The following ZBTB8A variants were observed in gnomAD, a reference collection of about 807,000 sequenced individuals.
ZBTB8A encodes the protein zinc finger and BTB domain containing 8A, also known as zinc finger and BTB domain-containing protein 8A.
Under a neutral mutation model 37.8 loss-of-function variants are expected in ZBTB8A, and 19 were observed. The observed-to-expected ratio is 0.50, with a 90% CI of 0.35 to 0.74. The LOEUF (loss-of-function observed/expected upper bound fraction) is 0.74, where lower values mean the gene tolerates loss of function less well. Ranked by LOEUF, ZBTB8A falls within the 30% of genes least tolerant of loss-of-function variation. The pLI is 0.01. For synonymous variants in ZBTB8A, 181 were observed against 185.2 expected, an observed-to-expected ratio of 0.98 and a Z score of 0.19; for missense variants, 394 against 537.8, an observed-to-expected ratio of 0.73 and a Z score of 2.65.
At chr1:32,585,668 A>G (rs1269322207) in intron 2 of ZBTB8A, among the ~76,000 whole-genome samples, 1 of 152,106 alleles carries the variant, frequency 6.6e-6, no homozygotes, top group Admixed American at 6.6e-5. Context: ...ACTGATGCTA[A>G]TGTTTATGAG....
chr1:32,561,553 G>GTGGTTT (rs1443414610), intron 2 of ZBTB8A, among the ~76,000 whole-genome samples: 1 of 151,992 alleles, frequency 6.6e-6, no homozygotes, highest in Non-Finnish European at 1.5e-5. Context: ...TTCTGTGTTT[G>GTGGTTT]TGGTTTTGTT....
intron 1 of ZBTB8A, among the ~76,000 whole-genome samples, chr1:32,552,598 G>A (rs1275793149): frequency 2.6e-5 from 4 of 151,890 alleles, no homozygotes; most frequent in Non-Finnish European, 4.4e-5. Flanking sequence ...CCAGGGAGGC[G>A]GAGGTTGCAG....
intron 3 of ZBTB8A, among the ~76,000 whole-genome samples, chr1:32,594,560 A>T (rs1410267222): frequency 6.6e-6 from 1 of 152,138 alleles, no homozygotes; most frequent in African/African-American, 2.4e-5. Flanking sequence ...CAGGAGTTCA[A>T]GACCAACCTG....
intron 1 of ZBTB8A, among the ~76,000 whole-genome samples, chr1:32,546,322 T>C (rs544705839): frequency 6.6e-6 from 1 of 152,080 alleles, no homozygotes; most frequent in South Asian, 2.1e-4. Context: ...TGCGTGCCTG[T>C]AATCCCAGCT....
At chr1:32,562,077 C>T (rs933019683) in intron 2 of ZBTB8A, among the ~76,000 whole-genome samples, 1 of 150,766 alleles carries the variant, frequency 6.6e-6, no homozygotes. Context: ...AGCCTCCAAA[C>T]TATAGGAGGC....
chr1:32,566,933 G>A (rs1284324256), intron 2 of ZBTB8A, among the ~76,000 whole-genome samples: 1 of 152,196 alleles, frequency 6.6e-6, no homozygotes, highest in Non-Finnish European at 1.5e-5. Context: ...CCAGGGTAAA[G>A]ACTTTGGATT....
chr1:32,543,244 C>T (rs570093184), intron 1 of ZBTB8A, among the ~76,000 whole-genome samples: 2 of 152,064 alleles, frequency 1.3e-5, no homozygotes, highest in South Asian at 4.2e-4. Flanking sequence ...CCACCATGCC[C>T]GGCTAATTTT....
intron 1 of ZBTB8A, among the ~76,000 whole-genome samples, chr1:32,543,843 AT>A (rs1376066459): frequency 6.6e-6 from 1 of 151,360 alleles, no homozygotes. Flanking sequence ...TGCCCGGCTA[AT>A]TTTTTGTATT....
At chr1:32,569,798 TA>T (rs1256357473) in intron 2 of ZBTB8A, among the ~76,000 whole-genome samples, 1 of 151,248 alleles carries the variant, frequency 6.6e-6, no homozygotes, top group Non-Finnish European at 1.5e-5. Context: ...TTTTTGTCTG[TA>T]AAAAATAGAG....
chr1:32,577,403 G>C (rs568139301), intron 2 of ZBTB8A, among the ~76,000 whole-genome samples: 3 of 151,256 alleles, frequency 2.0e-5, no homozygotes, highest in Non-Finnish European at 2.9e-5. Flanking sequence ...ACCCGCCTCA[G>C]CCTTCCAAAG....
intron 2 of ZBTB8A, among the ~76,000 whole-genome samples, chr1:32,570,578 TTC>T (rs940422915): frequency 6.6e-6 from 1 of 152,238 alleles, no homozygotes; most frequent in Non-Finnish European, 1.5e-5. Context: ...TTGTTTATAT[TTC>T]TCTCAAGTAT....
chr1:32,541,274 T>C (rs1283744089), intron 1 of ZBTB8A, among the ~76,000 whole-genome samples: 2 of 152,190 alleles, frequency 1.3e-5, no homozygotes, highest in Non-Finnish European at 2.9e-5. Flanking sequence ...GCACCTGGTC[T>C]CACCATGTCC....
intron 1 of ZBTB8A, among the ~76,000 whole-genome samples, chr1:32,542,936 G>T (rs778076472): frequency 3.9e-5 from 6 of 152,108 alleles, no homozygotes; most frequent in Non-Finnish European, 7.3e-5. Flanking sequence ...CGATTTCCAT[G>T]ACCTAATCAC....
chr1:32,561,178 C>T (rs1644241538), intron 2 of ZBTB8A, among the ~76,000 whole-genome samples: 1 of 151,900 alleles, frequency 6.6e-6, no homozygotes, highest in Non-Finnish European at 1.5e-5. Flanking sequence ...GTGCTCCAGC[C>T]ATATTGAACA....
chr1:32,570,064 T>C (rs1212734209), intron 2 of ZBTB8A, among the ~76,000 whole-genome samples: 1 of 152,226 alleles, frequency 6.6e-6, no homozygotes, highest in Non-Finnish European at 1.5e-5. Flanking sequence ...AAATGAAAAT[T>C]TGTATGTTGT....
At chr1:32,590,794 T>A (rs990443784) in intron 2 of ZBTB8A, among the ~76,000 whole-genome samples, 2 of 152,122 alleles carry the variant, frequency 1.3e-5, no homozygotes, top group African/African-American at 4.8e-5. Context: ...CATCTCAGTC[T>A]AAACTAGGAT....
intron 4 of ZBTB8A, among the ~76,000 whole-genome samples, chr1:32,596,070 T>G (rs1644529079): frequency 6.6e-6 from 1 of 152,062 alleles, no homozygotes; most frequent in South Asian, 2.1e-4. Context: ...GCCAGTTCAG[T>G]TCAAGACCAG....
chr1:32,588,558 A>G (rs1644465151), intron 2 of ZBTB8A, among the ~76,000 whole-genome samples: 1 of 152,062 alleles, frequency 6.6e-6, no homozygotes, highest in South Asian at 2.1e-4. Flanking sequence ...TAGGAGAGCC[A>G]TGAAGGGGTA....
rs1644226217 is a variant in ZBTB8A at position 32,559,313 on chromosome 1, A to G, written c.-2+5773A>G. ...TTTTAGTAGAGATGGGATTTCACCA[A>G]GTTGGCCAGGCTGGTCTCAAACTCC... On this transcript the variant is annotated intron_variant, in intron 2 of 4. Coordinates refer to ENST00000373510, the MANE Select transcript of ZBTB8A (RefSeq NM_001040441.3). Among the ~76,000 whole-genome samples, 4 of 152,076 alleles carry G rather than the reference A, an allele frequency of 2.6e-5. No homozygotes were observed. The South Asian group carries it at 8.3e-4, about 32-fold the overall frequency.
Sources: gnomAD v4.1 joint callset for allele counts (sites outside exome capture counted in the v4.1 genomes callset) on GRCh38, gnomAD v4.1.1 for gene constraint, MANE v1.5 for transcripts, NCBI Gene and HGNC (gene_info 2026-07-23, HGNC 2026-07-21) for gene names.